DTHD1: variants seen among roughly 807,000 people sequenced by gnomAD.
The protein encoded by DTHD1 is death domain-containing protein 1.
Under a neutral mutation model 74.8 loss-of-function variants are expected in DTHD1, and 59 were observed. The observed-to-expected ratio is 0.79, with a 90% confidence interval of 0.64 to 0.98. The LOEUF is 0.98. Ranked by LOEUF, DTHD1 falls within the 50% of genes least tolerant of loss-of-function variation. The probability of loss-of-function intolerance (pLI) is 0.00; values close to 1 mark genes in which losing one functional copy is unlikely to be tolerated. For missense variants in DTHD1, 1,051 were observed against 1,065.4 expected (o/e 0.99, Z 0.19); for synonymous variants, 365 against 371.1 (o/e 0.98, Z 0.19).
rs1181706634 is a variant in DTHD1, at chr4:36,346,419, T to C, written c.*2595T>C. Reference sequence around the variant, plus strand: ...ACCTCTTCACAACACAGATACATTTTTCCCCCAGAATTAAAACAAATACTG... The same window carrying C: ...ACCTCTTCACAACACAGATACATTTCTCCCCCAGAATTAAAACAAATACTG... On this transcript the variant is annotated 3_prime_UTR_variant, in exon 10 of 10. Coordinates refer to ENST00000639862, the MANE Select transcript of DTHD1 (RefSeq NM_001170700.3). Among the ~76,000 whole-genome samples, 1 of 152,030 alleles carries C rather than the reference T, an allele frequency of 6.6e-6. No homozygotes were observed. Among genetic ancestry groups the C allele is most frequent in the East Asian group, 1.9e-4 (1 of 5,186 alleles).
chr4:36,340,964 T>C (rs1350465340), intron 9 of DTHD1, among the ~76,000 whole-genome samples: 1 of 151,808 alleles, frequency 6.6e-6, no homozygotes, highest in Non-Finnish European at 1.5e-5. Context: ...GGCCAGGGGC[T>C]CCAAGGAGAG....
At chr4:36,340,522 T>C (rs1432971271) in intron 9 of DTHD1, among the ~76,000 whole-genome samples, 2 of 152,226 alleles carry the variant, frequency 1.3e-5, no homozygotes, top group Non-Finnish European at 2.9e-5. Context: ...GAACATCACA[T>C]GTCTCAGCTT....
At chr4:36,299,723 A>G (rs753343451) in intron 5 of DTHD1, among the ~76,000 whole-genome samples, 5 of 152,196 alleles carry the variant, frequency 3.3e-5, no homozygotes, top group Non-Finnish European at 7.3e-5. Context: ...CCCTGTCTCT[A>G]TGTGCCATAT....
chr4:36,316,707 G>A (rs1433085228), intron 8 of DTHD1, among the ~76,000 whole-genome samples: 1 of 152,272 alleles, frequency 6.6e-6, no homozygotes, highest in Non-Finnish European at 1.5e-5. Flanking sequence ...GCTTCAGATT[G>A]GTCTGGTCCC....
At chr4:36,306,429 G>T in intron 6 of DTHD1, 77 bp downstream of exon 6, 1 of 1,351,910 alleles carries the variant, frequency 7.4e-7, no homozygotes, top group Non-Finnish European at 9.8e-7. Context: ...AAATGGAATA[G>T]TAAGATTAAA....
In DTHD1 at chr4:36,343,732, G is replaced by C; in HGVS notation, c.2629G>C (p.Gly877Arg). Residue 877 changes from glycine to arginine, a missense_variant, in exon 10 of 10, where the codon GGC (glycine) becomes CGC (arginine). Transcript: ENST00000639862. Reference sequence around the variant, plus strand: ...CCTGGCTCGACATCTCCGCAAGATTGGCAGGAGTGATCTTGCAGAAGAGCT... The same window carrying C: ...CCTGGCTCGACATCTCCGCAAGATTCGCAGGAGTGATCTTGCAGAAGAGCT... ...RLLARHLRKIGRSDLAEELKF... is the reference protein window; with the variant it reads ...RLLARHLRKIRRSDLAEELKF... The C allele has an allele frequency of 1.3e-6, 2 of 1,551,560 alleles. No individual in the cohort carries two copies. Among genetic ancestry groups the C allele is most frequent in the Non-Finnish European group, 1.7e-6 (2 of 1,146,904 alleles).
Position 36,307,313 on chromosome 4 carries a change from C to G in DTHD1, c.1806-891C>G, listed in dbSNP as rs562855145. Reference sequence around the variant, plus strand: ...AAGGTGCTAGCAGGGTTTGTTCCTTCCAAGGGCTGTGAGGGAAGGATCTGC... The same window carrying G: ...AAGGTGCTAGCAGGGTTTGTTCCTTGCAAGGGCTGTGAGGGAAGGATCTGC... On this transcript the variant is annotated intron_variant, in intron 6 of 9. Transcript: ENST00000639862. Among the ~76,000 whole-genome samples the G allele has an allele frequency of 3.3e-5, 5 of 152,324 alleles. No individual in the cohort carries two copies. The East Asian group carries it at 9.6e-4, about 29-fold the overall frequency.
chr4:36,308,267 T>C lies in DTHD1; in HGVS notation c.1869T>C (p.Ser623=). The C allele has an allele frequency of 1.9e-6, 3 of 1,552,256 alleles. No homozygotes were observed. The highest frequency in any genetic ancestry group is 1.7e-6 in the Non-Finnish European group (2 of 1,147,108). ...DNSHLVTFVK[S]LEEAMLSTTA... is the part of the protein sequence containing the mutation. ...GTCATTTGGTTACTTTTGTGAAATC[T>C]TTAGAGGAAGCCATGCTCAGCACCA... Residue 623 remains serine (S), a synonymous_variant, in exon 7 of 10, where the codon TCT becomes TCC. Transcript: ENST00000639862.
Position 36,284,232 on chromosome 4 carries a change from G to A in DTHD1, c.528G>A (p.Gln176=). Residue 176 remains glutamine (Q), a synonymous_variant, in exon 2 of 10, where the codon CAG becomes CAA. Transcript: ENST00000639862. ...GEESHYTNQV[Q]LEKNKTHMSS... The stretch of plus-strand genomic sequence containing the variant: ...AAAGTCATTACACAAACCAGGTCCA[G>A]TTAGAAAAAAATAAAACACATATGA... 1 of 1,537,032 alleles carries A rather than the reference G, an allele frequency of 6.5e-7. No individual in the cohort carries two copies. Among genetic ancestry groups the A allele is most frequent in the African/African-American group, 1.4e-5 (1 of 73,090 alleles).
intron 8 of DTHD1, among the ~76,000 whole-genome samples, chr4:36,337,052 G>A (rs576451477): frequency 3.2e-4 from 49 of 152,222 alleles, no homozygotes; most frequent in African/African-American, 1.1e-3. Context: ...AGGGGAGACC[G>A]CACGAGGCCA....
intron 8 of DTHD1, among the ~76,000 whole-genome samples, chr4:36,316,725 T>C (rs1009319650): frequency 6.6e-6 from 1 of 152,210 alleles, no homozygotes; most frequent in African/African-American, 2.4e-5. Flanking sequence ...CCCCACAGCA[T>C]GTTGTTGCTA....
At chr4:36,284,681 C>T in intron 2 of DTHD1, 90 bp downstream of exon 2, 1 of 1,015,142 alleles carries the variant, frequency 9.9e-7, no homozygotes, top group East Asian at 2.7e-5. Flanking sequence ...ATTCAGGCTG[C>T]TACAACAAAA....
intron 5 of DTHD1, among the ~76,000 whole-genome samples, chr4:36,304,555 A>G (rs1483391061): frequency 6.6e-6 from 1 of 152,234 alleles, no homozygotes; most frequent in Non-Finnish European, 1.5e-5. Context: ...GTGTAACTCT[A>G]GTTCACTTGA....
At chr4:36,324,234 G>C (rs960282788) in intron 8 of DTHD1, among the ~76,000 whole-genome samples, 2 of 142,796 alleles carry the variant, frequency 1.4e-5, no homozygotes, top group African/African-American at 2.6e-5. Flanking sequence ...TCTTTTTCCT[G>C]TCCCTTCTCC....
intron 9 of DTHD1, among the ~76,000 whole-genome samples, chr4:36,341,912 T>G (rs1759335584): frequency 6.6e-6 from 1 of 152,094 alleles, no homozygotes; most frequent in African/African-American, 2.4e-5. Context: ...AGCAAAGGAC[T>G]AGAGGCCATG....
At chr4:36,327,736 C>T (rs1758433876) in intron 8 of DTHD1, among the ~76,000 whole-genome samples, 2 of 152,176 alleles carry the variant, frequency 1.3e-5, no homozygotes, top group Admixed American at 1.3e-4. Flanking sequence ...TTTATCTATT[C>T]CAGACTGCTT....
At chr4:36,291,148 T>A (rs1193568320) in intron 3 of DTHD1, among the ~76,000 whole-genome samples, 1 of 152,180 alleles carries the variant, frequency 6.6e-6, no homozygotes, top group African/African-American at 2.4e-5. Flanking sequence ...GTGTATGCCT[T>A]GAGATTGTTA....
Position 36,332,187 on chromosome 4 carries a change from A to AAAAATAAAATAAAAT in DTHD1, c.2341-6867_2341-6853dup, listed in dbSNP as rs11269624. Reference sequence around the variant, plus strand: ...GCTACAAACGCAAGACACTGTCTCAAAAAATAAAATAAAATAAAATAAAAT... The same window carrying AAAAATAAAATAAAAT: ...GCTACAAACGCAAGACACTGTCTCAAAAAATAAAATAAAATAAAATAAAATAAAATAAAATAAAAT... On this transcript the variant is annotated intron_variant, in intron 8 of 9. Transcript: ENST00000639862. 2.7e-3 allele frequency among the ~76,000 whole-genome samples: 371 copies of AAAAATAAAATAAAAT among 139,826 alleles called. 4 individuals are homozygous for AAAAATAAAATAAAAT. Among genetic ancestry groups the AAAAATAAAATAAAAT allele is most frequent in the Non-Finnish European group, 4.1e-3 (264 of 64,780 alleles). The allele number at this position is 139,826 out of a possible 152,430, so 91.7% of individuals were successfully genotyped here.
intron 7 of DTHD1, 31 bp downstream of exon 7, chr4:36,308,524 T>C: frequency 6.6e-7 from 1 of 1,504,680 alleles, no homozygotes. Context: ...TTATATATTT[T>C]ATTGGCTATA....
Sources: gnomAD v4.1 joint callset for allele counts (sites outside exome capture counted in the v4.1 genomes callset) on GRCh38, gnomAD v4.1.1 for gene constraint, MANE v1.5 for transcripts, NCBI Gene and HGNC (gene_info 2026-07-23, HGNC 2026-07-21) for gene names.